The following KCNIP4 variants were observed in gnomAD, a reference collection of about 807,000 sequenced individuals.
The protein encoded by KCNIP4 is potassium voltage-gated channel interacting protein 4.
KCNIP4 carries 12 observed loss-of-function variants against 34.0 expected under a neutral mutation model. The ratio of observed to expected loss-of-function variants is 0.35; its 90% CI spans 0.23 to 0.57. The LOEUF is 0.57. Ranked by LOEUF, KCNIP4 falls within the 20% of genes least tolerant of loss-of-function variation. KCNIP4 has a pLI of 0.83. For synonymous variants in KCNIP4, 124 were observed against 102.2 expected, an observed-to-expected ratio of 1.21 and a Z score of -1.29; for missense variants, 238 against 311.7, an observed-to-expected ratio of 0.76 and a Z score of 1.78.
chr4:21,641,807 C>T (rs1198463050), intron 1 of KCNIP4, among the ~76,000 whole-genome samples: 1 of 152,132 alleles, frequency 6.6e-6, no homozygotes, highest in Non-Finnish European at 1.5e-5. Context: ...TATGCATTGG[C>T]TCAGAAACAC....
At chr4:21,549,892 G>A (rs554480351) in intron 1 of KCNIP4, among the ~76,000 whole-genome samples, 2 of 152,168 alleles carry the variant, frequency 1.3e-5, no homozygotes, top group South Asian at 4.1e-4. Context: ...TCTGGGAGCT[G>A]AGCTAGATTT....
chr4:21,239,732 T>A (rs939015026), intron 1 of KCNIP4, among the ~76,000 whole-genome samples: 1 of 152,130 alleles, frequency 6.6e-6, no homozygotes, highest in Non-Finnish European at 1.5e-5. Context: ...CAACAGGTGC[T>A]GGAGAGGATG....
intron 1 of KCNIP4, among the ~76,000 whole-genome samples, chr4:21,169,086 G>A (rs551731132): frequency 3.9e-5 from 6 of 152,242 alleles, no homozygotes; most frequent in South Asian, 2.1e-4. Flanking sequence ...GTTGATGTAC[G>A]TGCATGTTAA....
At chr4:21,706,772 A>G (rs185761987) in intron 1 of KCNIP4, among the ~76,000 whole-genome samples, 1 of 152,302 alleles carries the variant, frequency 6.6e-6, no homozygotes, top group Non-Finnish European at 1.5e-5. Flanking sequence ...CAGTGGGAAC[A>G]GACATTGTTA....
chr4:21,563,646 G>T (rs543862398), intron 1 of KCNIP4, among the ~76,000 whole-genome samples: 1 of 152,152 alleles, frequency 6.6e-6, no homozygotes, highest in Non-Finnish European at 1.5e-5. Context: ...TATGACAGTA[G>T]GAGAGACACA....
chr4:20,988,507 G>T (rs777441354), intron 1 of KCNIP4, among the ~76,000 whole-genome samples: 1 of 151,962 alleles, frequency 6.6e-6, no homozygotes, highest in African/African-American at 2.4e-5. Context: ...ATTTCACCAC[G>T]TGATAGTCTC....
At chr4:20,783,362 C>T (rs779693075) in intron 3 of KCNIP4, among the ~76,000 whole-genome samples, 4 of 152,184 alleles carry the variant, frequency 2.6e-5, no homozygotes, top group Non-Finnish European at 4.4e-5. Context: ...TTTCACACTA[C>T]TGATAAAGAC....
At chr4:21,716,276 T>C (rs984263732) in intron 1 of KCNIP4, among the ~76,000 whole-genome samples, 1 of 152,016 alleles carries the variant, frequency 6.6e-6, no homozygotes, top group Non-Finnish European at 1.5e-5. Flanking sequence ...TTGTTCTGTC[T>C]CCCAGGCTGG....
chr4:21,657,235 C>T (rs185302101), intron 1 of KCNIP4, among the ~76,000 whole-genome samples: 6 of 152,046 alleles, frequency 3.9e-5, no homozygotes, highest in African/African-American at 1.4e-4. Flanking sequence ...TTTTTACTTG[C>T]TTTTTCGTTA....
chr4:21,229,221 C>T (rs866327135), intron 1 of KCNIP4, among the ~76,000 whole-genome samples: 1 of 152,272 alleles, frequency 6.6e-6, no homozygotes. Flanking sequence ...AATGCCTATT[C>T]CTTAATACCC....
intron 6 of KCNIP4, 41 bp from the exon 7 acceptor site, chr4:20,732,826 A>G (rs371853628): frequency 5.0e-6 from 6 of 1,197,250 alleles, no homozygotes; most frequent in Admixed American, 3.7e-5. Context: ...GCACACATGT[A>G]TGAAGAAACC....
chr4:20,814,525 C>T lies in KCNIP4; in HGVS notation c.288+36018G>A, dbSNP rs1028706041. The stretch of plus-strand genomic sequence containing the variant: ...GGTGCTAGACGTTCCTGGGTTTATT[C>T]TAGGCTCTGCCTCATATTAGTTGAC... On this transcript the variant is annotated intron_variant, in intron 3 of 8. Coordinates refer to ENST00000382152, the MANE Select transcript of KCNIP4 (RefSeq NM_025221.6). Among the ~76,000 whole-genome samples, 7 of 152,310 alleles carry T rather than the reference C, an allele frequency of 4.6e-5. No homozygotes were observed. In the South Asian group the frequency reaches 1.5e-3, roughly 32 times the overall value.
intron 1 of KCNIP4, among the ~76,000 whole-genome samples, chr4:21,735,081 AC>A (rs1254125277): frequency 6.6e-6 from 1 of 152,106 alleles, no homozygotes; most frequent in Non-Finnish European, 1.5e-5. Flanking sequence ...GAGAAATTCA[AC>A]AGTGAGATAA....
chr4:21,497,887 C>A (rs866545922), intron 1 of KCNIP4, among the ~76,000 whole-genome samples: 6 of 152,008 alleles, frequency 3.9e-5, no homozygotes, highest in Non-Finnish European at 4.4e-5. Flanking sequence ...ACTAACTCAT[C>A]CATTAGCAGC....
At chr4:21,155,684 T>C (rs1215190553) in intron 1 of KCNIP4, among the ~76,000 whole-genome samples, 1 of 152,138 alleles carries the variant, frequency 6.6e-6, no homozygotes, top group Non-Finnish European at 1.5e-5. Context: ...CTGGTGATCC[T>C]GGAGGGCTGA....
chr4:21,806,940 A>G (rs1204710197), intron 1 of KCNIP4, among the ~76,000 whole-genome samples: 1 of 152,036 alleles, frequency 6.6e-6, no homozygotes, highest in East Asian at 1.9e-4. Flanking sequence ...TTATTATTAC[A>G]TTATACTATA....
chr4:21,255,033 C>T (rs1207983783), intron 1 of KCNIP4, among the ~76,000 whole-genome samples: 2 of 152,178 alleles, frequency 1.3e-5, no homozygotes, highest in African/African-American at 2.4e-5. Flanking sequence ...GTAAAGTTGA[C>T]CGTCTCCACT....
At chr4:20,804,738 T>G (rs1475202702) in intron 3 of KCNIP4, among the ~76,000 whole-genome samples, 1 of 152,222 alleles carries the variant, frequency 6.6e-6, no homozygotes, top group Admixed American at 6.5e-5. Flanking sequence ...AAAGTAGAAA[T>G]GTATTTATTT....
At chr4:21,529,188 A>G (rs1736445987) in intron 1 of KCNIP4, among the ~76,000 whole-genome samples, 1 of 152,186 alleles carries the variant, frequency 6.6e-6, no homozygotes, top group African/African-American at 2.4e-5. Flanking sequence ...TTTGGCCCAT[A>G]GACATTATTT....
Sources: allele counts gnomAD v4.1 joint callset (sites outside exome capture counted in the v4.1 genomes callset), GRCh38; gene constraint gnomAD v4.1.1; transcripts MANE v1.5; gene names NCBI Gene and HGNC (gene_info 2026-07-23, HGNC 2026-07-21).